Variants in FABP6 observed in about 807,000 individuals in gnomAD.
FABP6 encodes the protein fatty acid binding protein 6, also known as gastrotropin.
In FABP6, 13 loss-of-function variants were observed where a neutral mutation model predicts 14.9. That is an observed-to-expected ratio of 0.87 (90% CI 0.57 to 1.39). FABP6 has a LOEUF of 1.39. Among genes scored for constraint, FABP6 ranks in the 40% most tolerant of loss-of-function variants. FABP6 has a pLI of 0.00. For missense variants in FABP6, 161 were observed against 167.2 expected (o/e 0.96, Z 0.20); for synonymous variants, 75 against 63.6 (o/e 1.18, Z -0.85).
chr5:160,232,228 T>A lies in FABP6; in HGVS notation c.198T>A (p.Val66=). Residue 66 remains valine (V), a synonymous_variant, in exon 2 of 4, where the codon GTT becomes GTA. Coordinates refer to ENST00000402432, the MANE Select transcript of FABP6 (RefSeq NM_001445.3). ...GGHTMTNKFT[V]GKESNIQTMG... ...ACACCATGACCAACAAGTTCACTGTTGGCAAGGAAAGCAACATACAGACAA... is the reference window on the plus strand; with the variant it reads ...ACACCATGACCAACAAGTTCACTGTAGGCAAGGAAAGCAACATACAGACAA... The A allele has an allele frequency of 6.2e-7, 1 of 1,612,786 alleles. No individual in the cohort carries two copies. The highest frequency in any genetic ancestry group is 8.5e-7 in the Non-Finnish European group (1 of 1,179,444).
chr5:160,206,182 C>T (rs1759760795), intron 2 of FABP6, among the ~76,000 whole-genome samples: 1 of 152,138 alleles, frequency 6.6e-6, no homozygotes, highest in African/African-American at 2.4e-5. Context: ...GCCTGTAATC[C>T]CAACTTTGGG....
At chr5:160,220,170 C>G (rs1760101230) in intron 3 of FABP6, among the ~76,000 whole-genome samples, 2 of 152,180 alleles carry the variant, frequency 1.3e-5, no homozygotes, top group Non-Finnish European at 2.9e-5. Context: ...GGCAGCTAGG[C>G]TGGACGAATT....
intron 1 of FABP6, among the ~76,000 whole-genome samples, chr5:160,193,923 G>C (rs1759454697): frequency 1.3e-5 from 2 of 152,242 alleles, no homozygotes; most frequent in Admixed American, 1.3e-4. Context: ...GCGGTCGATG[G>C]GACTGGGCGC....
intron 2 of FABP6, among the ~76,000 whole-genome samples, chr5:160,213,110 G>A (rs764813469): frequency 6.6e-6 from 1 of 152,180 alleles, no homozygotes; most frequent in Non-Finnish European, 1.5e-5. Flanking sequence ...CCTCACGGTC[G>A]AGATGGTTGG....
intron 3 of FABP6, among the ~76,000 whole-genome samples, chr5:160,214,460 T>A (rs890221441): frequency 6.6e-6 from 1 of 151,892 alleles, no homozygotes; most frequent in Non-Finnish European, 1.5e-5. Flanking sequence ...TCACCACACC[T>A]GGCCTCAAGT....
chr5:160,219,052 T>C (rs1296242663), intron 3 of FABP6, among the ~76,000 whole-genome samples: 1 of 152,162 alleles, frequency 6.6e-6, no homozygotes, highest in Non-Finnish European at 1.5e-5. Context: ...TCTCAGAGGC[T>C]CCAGTTAGCT....
intron 3 of FABP6, among the ~76,000 whole-genome samples, chr5:160,223,958 C>T (rs764561900): frequency 3.6e-4 from 53 of 146,978 alleles, no homozygotes; most frequent in Non-Finnish European, 7.2e-4. Context: ...AAAAATTGGC[C>T]GGGCGCAGTG....
At chr5:160,234,427 A>AT (rs34564042) in intron 2 of FABP6, among the ~76,000 whole-genome samples, 22,483 of 65,876 alleles carry the variant, frequency 0.34, 2,585 homozygotes, top group Non-Finnish European at 0.38. Context: ...TGGTAAATTC[A>AT]TTTTTTTTTT....
intron 1 of FABP6, among the ~76,000 whole-genome samples, chr5:160,193,670 C>T (rs372753236): frequency 2.0e-5 from 3 of 152,160 alleles, no homozygotes; most frequent in East Asian, 1.9e-4. Context: ...GATACAGTGT[C>T]GATTGGTGCA....
At chr5:160,238,267 A>T (rs921922754) in intron 3 of FABP6, among the ~76,000 whole-genome samples, 5 of 152,034 alleles carry the variant, frequency 3.3e-5, no homozygotes, top group African/African-American at 7.2e-5. Flanking sequence ...TCTAAACTTC[A>T]ATTTTCCCAT....
intron 2 of FABP6, among the ~76,000 whole-genome samples, chr5:160,208,051 A>AT (rs1456762388): frequency 1.3e-5 from 2 of 151,742 alleles, no homozygotes; most frequent in African/African-American, 2.4e-5. Flanking sequence ...ACTTTTCTGC[A>AT]TTTTTTCTCA....
chr5:160,231,063 A>T (rs1316820369), intron 1 of FABP6, among the ~76,000 whole-genome samples: 1 of 152,218 alleles, frequency 6.6e-6, no homozygotes, highest in Admixed American at 6.5e-5. Context: ...CTCAAGGTTC[A>T]GAGGACAGCT....
chr5:160,198,986 GAA>G, intron 1 of FABP6: 2 of 996,054 alleles, frequency 2.0e-6, no homozygotes, highest in Non-Finnish European at 1.6e-6. Context: ...ATAGACAAAT[GAA>G]TGAACAATGA....
chr5:160,234,380 CTTTT>C (rs35775372), intron 2 of FABP6, among the ~76,000 whole-genome samples: 2,385 of 84,080 alleles, frequency 0.028, 80 homozygotes, highest in African/African-American at 0.1. Context: ...AGAAATCTGA[CTTTT>C]TTTTTTTTTT....
At chr5:160,223,373 C>T (rs1318966500) in intron 3 of FABP6, among the ~76,000 whole-genome samples, 12 of 65,112 alleles carry the variant, frequency 1.8e-4, no homozygotes, top group East Asian at 1.2e-3. Flanking sequence ...TTCCCTCCCT[C>T]CCTCCCTCCC....
At chr5:160,188,007 C>T (rs1166695159) in intron 1 of FABP6, among the ~76,000 whole-genome samples, 1 of 152,098 alleles carries the variant, frequency 6.6e-6, no homozygotes, top group Non-Finnish European at 1.5e-5. Flanking sequence ...CCGCCTCGGC[C>T]TCCCAAAGTG....
chr5:160,231,392 CT>C (rs1760377224), intron 1 of FABP6, among the ~76,000 whole-genome samples: 2 of 152,264 alleles, frequency 1.3e-5, no homozygotes, highest in South Asian at 2.1e-4. Flanking sequence ...AAGACACAGT[CT>C]TTCTCTGGCA....
chr5:160,210,256 T>C (rs1759859369), intron 2 of FABP6, among the ~76,000 whole-genome samples: 1 of 152,214 alleles, frequency 6.6e-6, no homozygotes, highest in Admixed American at 6.5e-5. Context: ...TGGCACCCAG[T>C]GATGACCTTG....
At position 160,222,315 on chromosome 5, in the gene FABP6, A is replaced by C. The variant is rs149213496; in HGVS notation, c.136-7231A>C. On this transcript the variant is annotated intron_variant, in intron 3 of 6. Transcript: ENST00000393980. ...ATATTGCCCCGGCTGGTCTCTTCCT[A>C]CATTTTCTTTTCTTCTTCTTCTCTT... Among the ~76,000 whole-genome samples the C allele has an allele frequency of 1.0e-3, 153 of 151,502 alleles. 1 individual carries two copies. The highest frequency in any genetic ancestry group is 1.9e-3 in the Non-Finnish European group (128 of 67,826).
Sources: gnomAD v4.1 joint callset for allele counts (sites outside exome capture counted in the v4.1 genomes callset) on GRCh38, gnomAD v4.1.1 for gene constraint, MANE v1.5 for transcripts, NCBI Gene and HGNC (gene_info 2026-07-23, HGNC 2026-07-21) for gene names.